AKAP6: variants seen among roughly 807,000 people sequenced by gnomAD.
AKAP6 encodes the protein A-kinase anchor protein 6.
In AKAP6, 58 loss-of-function variants were observed where a neutral mutation model predicts 188.5. The ratio of observed to expected loss-of-function variants is 0.31; its 90% CI spans 0.25 to 0.38. The LOEUF (loss-of-function observed/expected upper bound fraction) is 0.38, where lower values mean the gene tolerates loss of function less well. Among genes scored for constraint, AKAP6 ranks in the 10% least tolerant of loss-of-function variants. The pLI is 1.00. For missense variants in AKAP6, 2,710 were observed against 2,740.0 expected, an observed-to-expected ratio of 0.99 and a Z score of 0.24; for synonymous variants, 989 against 998.6, an observed-to-expected ratio of 0.99 and a Z score of 0.18.
intron 12 of AKAP6, among the ~76,000 whole-genome samples, chr14:32,792,326 A>AG (rs1263952435): frequency 6.6e-6 from 1 of 152,156 alleles, no homozygotes; most frequent in Non-Finnish European, 1.5e-5. Flanking sequence ...CTCCCTGAAG[A>AG]GGACCTTCAC....
intron 7 of AKAP6, among the ~76,000 whole-genome samples, chr14:32,611,975 T>C (rs1886367887): frequency 6.6e-6 from 1 of 152,206 alleles, no homozygotes; most frequent in South Asian, 2.1e-4. Context: ...GAATTTAGAA[T>C]GAAGACAAAC....
intron 2 of AKAP6, among the ~76,000 whole-genome samples, chr14:32,486,428 T>C (rs4324046): frequency 0.66 from 100,237 of 151,892 alleles, 34,667 homozygotes; most frequent in East Asian, 0.86. Flanking sequence ...TTTCACAACA[T>C]TGATTTTTCC....
intron 1 of AKAP6, among the ~76,000 whole-genome samples, chr14:32,359,585 C>T (rs1278034506): frequency 2.7e-5 from 4 of 146,570 alleles, no homozygotes; most frequent in African/African-American, 1.0e-4. Context: ...TTCATTAATA[C>T]CCTCTTTTCT....
chr14:32,392,663 A>G (rs577505140), intron 1 of AKAP6, among the ~76,000 whole-genome samples: 102 of 152,264 alleles, frequency 6.7e-4, no homozygotes, highest in Non-Finnish European at 1.2e-3. Flanking sequence ...ACCCTAGAGC[A>G]TCTTATTACA....
Position 32,553,867 on chromosome 14 carries a change from A to G in AKAP6, c.2346+6868A>G, listed in dbSNP as rs189337694. ...GAACCCATTGTGTGAATAAATTACT[A>G]GAGCATCTTAGGTCTGAGTGCTCAA... On this transcript the variant is annotated intron_variant, in intron 4 of 13. Coordinates refer to ENST00000280979, the MANE Select transcript of AKAP6 (RefSeq NM_004274.5). Among the ~76,000 whole-genome samples the G allele has an allele frequency of 4.6e-3, 697 of 152,362 alleles. 1 individual carries two copies. Among genetic ancestry groups the G allele is most frequent in the Non-Finnish European group, 7.3e-3 (497 of 68,034 alleles).
rs1330235118 is a variant in AKAP6 at position 32,829,927 on chromosome 14, C to T, written c.*122C>T. On this transcript the variant is annotated 3_prime_UTR_variant, in exon 14 of 14. Transcript: ENST00000280979. ...CTGGTTCCATCACGTTTGTCACTGC[C>T]GTTTATTACATTGACTTCTCCCAAG... 2 of 702,638 alleles carry T rather than the reference C, an allele frequency of 2.8e-6. No individual in the cohort carries two copies. Among genetic ancestry groups the T allele is most frequent in the East Asian group, 2.7e-5 (1 of 37,278 alleles). The allele number at this position is 702,638 out of a possible 1,614,324, so 43.5% of individuals were successfully genotyped here.
At chr14:32,583,774 T>C (rs917697333) in intron 5 of AKAP6, among the ~76,000 whole-genome samples, 3 of 152,186 alleles carry the variant, frequency 2.0e-5, no homozygotes, top group African/African-American at 4.8e-5. Flanking sequence ...TAGGACCCTC[T>C]GAGCCAGGTG....
At chr14:32,405,096 C>T (rs183474949) in intron 1 of AKAP6, among the ~76,000 whole-genome samples, 1 of 152,012 alleles carries the variant, frequency 6.6e-6, no homozygotes, top group African/African-American at 2.4e-5. Context: ...TCACTCTTCT[C>T]TTTTCCTAAT....
chr14:32,821,714 C>A lies in AKAP6; in HGVS notation c.3901C>A (p.His1301Asn). Reference protein sequence around the residue: ...LHNVELYEDNHMPFLKNNPKV... With the variant: ...LHNVELYEDNNMPFLKNNPKV... ...CAATGTTGAACTCTATGAGGACAACCACATGCCATTTCTGAAAAACAATCC... is the reference window on the plus strand; with the variant it reads ...CAATGTTGAACTCTATGAGGACAACAACATGCCATTTCTGAAAAACAATCC... Residue 1301 changes from histidine to asparagine, a missense_variant, in exon 13 of 14, where the codon CAC (histidine) becomes AAC (asparagine). Transcript: ENST00000280979. 6.2e-7 allele frequency: 1 copy of A among 1,613,738 alleles called. No individual in the cohort carries two copies. Among genetic ancestry groups the A allele is most frequent in the Non-Finnish European group, 8.5e-7 (1 of 1,179,896 alleles).
chr14:32,710,311 T>C (rs576323100), intron 9 of AKAP6, among the ~76,000 whole-genome samples: 2 of 152,180 alleles, frequency 1.3e-5, no homozygotes, highest in Non-Finnish European at 2.9e-5. Flanking sequence ...CACATTCCAT[T>C]TGGAGCATAC....
chr14:32,613,046 A>C (rs998160554), intron 7 of AKAP6, among the ~76,000 whole-genome samples: 16 of 152,358 alleles, frequency 1.1e-4, no homozygotes, highest in South Asian at 4.1e-4. Context: ...CTAGTAAATG[A>C]TGAATGAGGT....
intron 4 of AKAP6, among the ~76,000 whole-genome samples, chr14:32,571,129 G>A (rs1884464421): frequency 1.3e-5 from 2 of 152,096 alleles, no homozygotes; most frequent in African/African-American, 4.8e-5. Flanking sequence ...GGCACATAGT[G>A]AGTACCATCT....
Position 32,800,059 on chromosome 14 carries a change from C to CTT in AKAP6, c.3589-21342_3589-21341insTT, listed in dbSNP as rs1305584690. Among the ~76,000 whole-genome samples, 574 of 111,368 alleles carry CTT rather than the reference C, an allele frequency of 5.2e-3. 7 individuals are homozygous for CTT. The highest frequency in any genetic ancestry group is 0.015 in the Admixed American group (166 of 11,032). 73.1% of individuals were successfully genotyped at this position (111,368 alleles called of 152,430 possible). On this transcript the variant is annotated intron_variant, in intron 12 of 13. Transcript: ENST00000280979. ...ACCCTGTCTCTCTCTCTCTCTCTCT[C>CTT]TCTATATATATAGAAATATATATAT...
Position 32,391,207 on chromosome 14 carries a change from A to G in AKAP6, c.-34-42253A>G, listed in dbSNP as rs1888703608. On this transcript the variant is annotated intron_variant, in intron 1 of 13. Transcript: ENST00000280979. ...CAGCTTAAAGCAAATAGCAGATAAC[A>G]TGCAACAGCATTCTCATGTTCAATC... 2.0e-5 allele frequency among the ~76,000 whole-genome samples: 3 copies of G among 152,196 alleles called. No individual in the cohort carries two copies. The South Asian group carries it at 6.2e-4, about 32-fold the overall frequency.
At chr14:32,356,416 C>G (rs79634432) in intron 1 of AKAP6, among the ~76,000 whole-genome samples, 356 of 152,320 alleles carry the variant, frequency 2.3e-3, no homozygotes, top group Non-Finnish European at 4.2e-3. Flanking sequence ...TACACGTCTA[C>G]ACCTGCGTTT....
chr14:32,580,816 C>G (rs1196266733), intron 5 of AKAP6, among the ~76,000 whole-genome samples: 1 of 151,318 alleles, frequency 6.6e-6, no homozygotes, highest in Non-Finnish European at 1.5e-5. Context: ...CGTTTTTTGT[C>G]CTTGCGATAG....
chr14:32,751,380 CTAA>C, intron 11 of AKAP6, among the ~76,000 whole-genome samples: 1 of 151,976 alleles, frequency 6.6e-6, no homozygotes, highest in South Asian at 2.1e-4. Flanking sequence ...ATCAAAATTG[CTAA>C]TGATTCTTTT....
intron 3 of AKAP6, among the ~76,000 whole-genome samples, chr14:32,539,027 T>C (rs34449586): frequency 0.095 from 14,439 of 152,224 alleles, 776 homozygotes; most frequent in Admixed American, 0.16. Context: ...GGTTTCTTAC[T>C]ATGTATAAGA....
intron 7 of AKAP6, among the ~76,000 whole-genome samples, chr14:32,618,504 A>G (rs1302857094): frequency 6.6e-6 from 1 of 152,116 alleles, no homozygotes; most frequent in Non-Finnish European, 1.5e-5. Flanking sequence ...CGTCCATCCA[A>G]GTTGGTACAA....
Sources: allele counts gnomAD v4.1 joint callset (sites outside exome capture counted in the v4.1 genomes callset), GRCh38; gene constraint gnomAD v4.1.1; transcripts MANE v1.5; gene names NCBI Gene and HGNC (gene_info 2026-07-23, HGNC 2026-07-21).